Variants in SHTN1 observed in about 807,000 individuals in gnomAD.
SHTN1 encodes shootin-1.
In SHTN1, 42 loss-of-function variants were observed where a neutral mutation model predicts 83.1. The ratio of observed to expected loss-of-function variants is 0.51; its 90% confidence interval spans 0.39 to 0.65. SHTN1 has a LOEUF of 0.65. Ranked by LOEUF, SHTN1 falls within the 30% of genes least tolerant of loss-of-function variation. The pLI, the probability that SHTN1 is intolerant of heterozygous loss-of-function variation, is 0.00. For missense variants in SHTN1, 622 were observed against 737.8 expected, an observed-to-expected ratio of 0.84 and a Z score of 1.82; for synonymous variants, 224 against 247.7, an observed-to-expected ratio of 0.90 and a Z score of 0.90.
chr10:117,119,542 C>T (rs984903064), intron 1 of SHTN1, among the ~76,000 whole-genome samples: 1 of 152,086 alleles, frequency 6.6e-6, no homozygotes, highest in African/African-American at 2.4e-5. Context: ...TAAGCAATAC[C>T]AAATACTGGC....
At chr10:117,072,351 G>C (rs1251675554) in intron 1 of SHTN1, among the ~76,000 whole-genome samples, 1 of 152,176 alleles carries the variant, frequency 6.6e-6, no homozygotes, top group Non-Finnish European at 1.5e-5. Context: ...CAGAACGACA[G>C]AGCAGTGTGT....
intron 2 of SHTN1, among the ~76,000 whole-genome samples, chr10:117,017,244 C>G (rs917415357): frequency 6.6e-6 from 1 of 152,148 alleles, no homozygotes. Context: ...GTAATCCCAG[C>G]ACTTTGGGAG....
intron 1 of SHTN1, among the ~76,000 whole-genome samples, chr10:116,989,227 T>C (rs751881232): frequency 5.1e-4 from 77 of 152,222 alleles, no homozygotes; most frequent in Non-Finnish European, 7.2e-4. Flanking sequence ...TACATTAGTA[T>C]GGTGCATTTG....
At chr10:116,974,066 T>A in intron 2 of SHTN1, 1 of 1,068,556 alleles carries the variant, frequency 9.4e-7, no homozygotes, top group Non-Finnish European at 1.1e-6. Context: ...TCTTCTTTCT[T>A]CCAATTCAAA....
At chr10:117,121,764 G>A in intron 1 of SHTN1, among the ~76,000 whole-genome samples, 1 of 152,032 alleles carries the variant, frequency 6.6e-6, no homozygotes, top group East Asian at 1.9e-4. Context: ...TGGGTGCGGT[G>A]GCTCACGCCT....
intron 14 of SHTN1, among the ~76,000 whole-genome samples, chr10:116,910,126 T>G (rs1394674138): frequency 2.0e-5 from 3 of 152,158 alleles, no homozygotes; most frequent in Non-Finnish European, 4.4e-5. Context: ...ATGTGTGTGG[T>G]TTATAGGCTC....
At chr10:116,937,493 ACT>A (rs1191056129) in intron 9 of SHTN1, among the ~76,000 whole-genome samples, 2 of 151,678 alleles carry the variant, frequency 1.3e-5, no homozygotes, top group Non-Finnish European at 2.9e-5. Flanking sequence ...ATTGGCCCCC[ACT>A]CTCTTCTGGT....
intron 1 of SHTN1, among the ~76,000 whole-genome samples, chr10:117,004,164 G>A (rs1851922924): frequency 6.6e-6 from 1 of 152,136 alleles, no homozygotes; most frequent in Non-Finnish European, 1.5e-5. Context: ...TGAGATTACA[G>A]GCGTGAGCCA....
intron 1 of SHTN1, among the ~76,000 whole-genome samples, chr10:117,067,421 G>A (rs1156359291): frequency 2.6e-5 from 4 of 152,050 alleles, no homozygotes; most frequent in African/African-American, 7.2e-5. Flanking sequence ...GGGAAACCCC[G>A]TCTCTACTAA....
chr10:117,069,066 G>C (rs1440317055), intron 1 of SHTN1, among the ~76,000 whole-genome samples: 1 of 152,106 alleles, frequency 6.6e-6, no homozygotes, highest in Non-Finnish European at 1.5e-5. Flanking sequence ...TAAGGAAAAA[G>C]CAGAGGAACA....
intron 9 of SHTN1, among the ~76,000 whole-genome samples, chr10:116,932,185 A>G (rs1411687234): frequency 6.6e-6 from 1 of 152,170 alleles, no homozygotes; most frequent in Non-Finnish European, 1.5e-5. Context: ...ATGCGAGTAA[A>G]TAACTGATAC....
At chr10:116,902,723 T>C (rs926984529) in intron 15 of SHTN1, among the ~76,000 whole-genome samples, 2 of 152,220 alleles carry the variant, frequency 1.3e-5, no homozygotes, top group African/African-American at 4.8e-5. Flanking sequence ...TCAGAAGGAA[T>C]GCTTTTAAAA....
At chr10:117,032,084 A>G (rs1852423456) in intron 2 of SHTN1, among the ~76,000 whole-genome samples, 1 of 152,194 alleles carries the variant, frequency 6.6e-6, no homozygotes, top group African/African-American at 2.4e-5. Context: ...GGAAACCAAA[A>G]AGGAGCAGAA....
chr10:117,002,272 C>A lies in SHTN1; in HGVS notation c.58+2750G>T, dbSNP rs184409218. Among the ~76,000 whole-genome samples, 371 of 152,280 alleles carry A rather than the reference C, an allele frequency of 2.4e-3. 1 individual carries two copies. Among genetic ancestry groups the A allele is most frequent in the Non-Finnish European group, 3.2e-3 (220 of 68,012 alleles). On this transcript the variant is annotated intron_variant, in intron 1 of 16. Transcript: ENST00000355371. ...ATATGATAACTTGAATAGTACCTGT[C>A]TTCTCTTCTAGAAAATTAATTTGGT...
At chr10:117,062,744 A>G (rs1230980709) in intron 1 of SHTN1, among the ~76,000 whole-genome samples, 1 of 152,210 alleles carries the variant, frequency 6.6e-6, no homozygotes, top group Non-Finnish European at 1.5e-5. Context: ...TGATAGATAT[A>G]AAGGGAAGCT....
At chr10:117,018,081 A>T (rs568021208) in intron 2 of SHTN1, among the ~76,000 whole-genome samples, 6 of 152,324 alleles carry the variant, frequency 3.9e-5, no homozygotes, top group African/African-American at 1.4e-4. Context: ...ACTACAATTG[A>T]TGTAGTATTC....
chr10:116,888,776 G>A lies in SHTN1; in HGVS notation c.1674-2210C>T, dbSNP rs578163375. ...AGCTATAACAGAGCCTGCCCTACAC[G>A]GACCTTCCGAGGGTTAAAAAAAATT... On this transcript the variant is annotated intron_variant, in intron 16 of 16. Coordinates refer to ENST00000355371, the MANE Select transcript of SHTN1 (RefSeq NM_001127211.3). 7.2e-4 allele frequency among the ~76,000 whole-genome samples: 110 copies of A among 152,238 alleles called. 2 individuals carry two copies. In the South Asian group the frequency reaches 0.022, roughly 30 times the overall value.
At chr10:116,927,293 C>G (rs554491339) in intron 11 of SHTN1, among the ~76,000 whole-genome samples, 1 of 152,244 alleles carries the variant, frequency 6.6e-6, no homozygotes, top group Non-Finnish European at 1.5e-5. Flanking sequence ...AATTTGTATA[C>G]TACAAGAAGG....
chr10:117,077,969 T>G (rs1392131770), intron 1 of SHTN1, among the ~76,000 whole-genome samples: 1 of 152,152 alleles, frequency 6.6e-6, no homozygotes, highest in African/African-American at 2.4e-5. Flanking sequence ...AACAATTTAT[T>G]CTTACCTTAA....
Sources: gnomAD v4.1 joint callset for allele counts (sites outside exome capture counted in the v4.1 genomes callset) on GRCh38, gnomAD v4.1.1 for gene constraint, MANE v1.5 for transcripts, NCBI Gene and HGNC (gene_info 2026-07-23, HGNC 2026-07-21) for gene names.